Variants in NCOA2 observed in about 807,000 individuals in gnomAD.
The protein encoded by NCOA2 is class E basic helix-loop-helix protein 75.
Under a neutral mutation model 145.1 loss-of-function variants are expected in NCOA2, and 21 were observed. The observed-to-expected ratio is 0.14, with a 90% CI of 0.10 to 0.21. The LOEUF (loss-of-function observed/expected upper bound fraction) is 0.21, where lower values mean the gene tolerates loss of function less well. NCOA2 is among the 10% of genes least tolerant of loss of function. The pLI, the probability that NCOA2 is intolerant of heterozygous loss-of-function variation, is 1.00. For missense variants in NCOA2, 1,472 were observed against 1,837.6 expected (o/e 0.80, Z 3.64); for synonymous variants, 619 against 637.5 (o/e 0.97, Z 0.44).
chr8:70,318,766 AG>A (rs1232091620), intron 1 of NCOA2, among the ~76,000 whole-genome samples: 1 of 152,162 alleles, frequency 6.6e-6, no homozygotes, highest in African/African-American at 2.4e-5. Context: ...CTGTCTCAAA[AG>A]AAAAAAAAAG....
In NCOA2 at chr8:70,133,200, C is replaced by CTTTTTTTTT. The variant is rs57813061; in HGVS notation, c.3159-1207_3159-1199dup. On this transcript the variant is annotated intron_variant, in intron 15 of 22. Transcript: ENST00000452400. Reference sequence around the variant, plus strand: ...TGTGTGCCACCACAACTGGCTGCTACTTTTTTTTTTTTTTTTTTTTGGTAA... The same window carrying CTTTTTTTTT: ...TGTGTGCCACCACAACTGGCTGCTACTTTTTTTTTTTTTTTTTTTTTTTTTTTTTGGTAA... 5.1e-4 allele frequency among the ~76,000 whole-genome samples: 55 copies of CTTTTTTTTT among 106,952 alleles called. 1 individual carries two copies. The highest frequency in any genetic ancestry group is 1.8e-3 in the African/African-American group (44 of 24,842). 70.2% of individuals were successfully genotyped at this position (106,952 alleles called of 152,430 possible). A position where few individuals can be genotyped will look rare whatever the true frequency, so the allele number is the denominator to read the frequency against.
chr8:70,323,671 C>T (rs1468650126), intron 1 of NCOA2, among the ~76,000 whole-genome samples: 1 of 152,090 alleles, frequency 6.6e-6, no homozygotes, highest in East Asian at 1.9e-4. Context: ...GTAAATCAGA[C>T]TACTGATTAT....
chr8:70,174,859 T>C lies in NCOA2; in HGVS notation c.260A>G (p.Glu87Gly), dbSNP rs1396713306. ...ATCTATGTTGGCAGCTGCTGCTTTCTCTGCAATAAACATAAGTGTGAATTA... is the reference window on the plus strand; with the variant it reads ...ATCTATGTTGGCAGCTGCTGCTTTCCCTGCAATAAACATAAGTGTGAATTA... Reference protein sequence around the residue: ...VKQIRQIKEQEKAAAANIDEV... With the variant: ...VKQIRQIKEQGKAAAANIDEV... Residue 87 changes from glutamate to glycine, a missense_variant and splice_region_variant, in exon 5 of 23, where the codon GAG becomes GGG. By Grantham distance (98) the Glu-to-Gly change is moderately conservative. This residue lies in a region of NCOA2 where 284 missense variants were observed against 467.8 expected (regional missense o/e 0.61). Transcript: ENST00000452400. The C allele has an allele frequency of 6.2e-7, 1 of 1,612,910 alleles. No individual in the cohort carries two copies. Among genetic ancestry groups the C allele is most frequent in the Admixed American group, 1.7e-5 (1 of 60,014 alleles).
chr8:70,125,678 A>C (rs1334454264), intron 19 of NCOA2, among the ~76,000 whole-genome samples: 1 of 152,246 alleles, frequency 6.6e-6, no homozygotes, highest in Non-Finnish European at 1.5e-5. Flanking sequence ...TCCACCTTTA[A>C]AAATAAATAG....
chr8:70,213,824 G>A (rs781542912), intron 4 of NCOA2, 79 bp downstream of exon 4: 29 of 1,166,418 alleles, frequency 2.5e-5, no homozygotes, highest in Non-Finnish European at 3.2e-5. Context: ...ATGGATTAAA[G>A]GGACTCTGAA....
chr8:70,395,256 C>T (rs920932635), intron 1 of NCOA2, among the ~76,000 whole-genome samples: 1 of 152,124 alleles, frequency 6.6e-6, no homozygotes, highest in Non-Finnish European at 1.5e-5. Flanking sequence ...TTTATCATTC[C>T]ACCCTGATGT....
intron 4 of NCOA2, among the ~76,000 whole-genome samples, chr8:70,179,268 A>G (rs1815211428): frequency 6.6e-6 from 1 of 152,230 alleles, no homozygotes; most frequent in African/African-American, 2.4e-5. Context: ...AATAATATGA[A>G]GTGATAGAAA....
At chr8:70,361,403 G>C (rs1810186938) in intron 1 of NCOA2, among the ~76,000 whole-genome samples, 1 of 151,898 alleles carries the variant, frequency 6.6e-6, no homozygotes, top group Non-Finnish European at 1.5e-5. Context: ...AGGCTAGGCA[G>C]GAGAATCACT....
At chr8:70,158,348 T>G (rs534806822) in intron 10 of NCOA2, among the ~76,000 whole-genome samples, 2 of 152,348 alleles carry the variant, frequency 1.3e-5, no homozygotes, top group Non-Finnish European at 2.9e-5. Context: ...TTAATCATTT[T>G]CCTAAATATG....
intron 1 of NCOA2, among the ~76,000 whole-genome samples, chr8:70,306,418 G>A (rs1329988374): frequency 6.6e-6 from 1 of 152,180 alleles, no homozygotes; most frequent in African/African-American, 2.4e-5. Context: ...AGGTGTGAAA[G>A]GGCCTTCTAA....
intron 13 of NCOA2, among the ~76,000 whole-genome samples, chr8:70,142,924 G>C (rs1810609272): frequency 6.6e-6 from 1 of 151,530 alleles, no homozygotes; most frequent in Non-Finnish European, 1.5e-5. Context: ...AAATGGGAAA[G>C]TCCCTCTCAG....
At chr8:70,376,910 C>T (rs963247932) in intron 1 of NCOA2, among the ~76,000 whole-genome samples, 2 of 152,214 alleles carry the variant, frequency 1.3e-5, no homozygotes, top group Non-Finnish European at 2.9e-5. Context: ...GATGCCAGAG[C>T]TCCGCTGGCC....
At chr8:70,371,323 C>T (rs1315264126) in intron 1 of NCOA2, among the ~76,000 whole-genome samples, 1 of 151,598 alleles carries the variant, frequency 6.6e-6, no homozygotes, top group African/African-American at 2.4e-5. Context: ...ATAAAGGTAA[C>T]CACAACAATG....
At chr8:70,314,119 G>C (rs1018544552) in intron 1 of NCOA2, among the ~76,000 whole-genome samples, 3 of 134,564 alleles carry the variant, frequency 2.2e-5, no homozygotes, top group African/African-American at 8.3e-5. Flanking sequence ...GGCAGAGCTT[G>C]CAGTGAGCCG....
upstream of NCOA2, among the ~76,000 whole-genome samples, chr8:70,404,953 G>C (rs1295133930): frequency 6.6e-6 from 1 of 152,122 alleles, no homozygotes; most frequent in Non-Finnish European, 1.5e-5. Context: ...ATCTTATAAT[G>C]AGAAAGGTCA....
intron 13 of NCOA2, 40 bp downstream of exon 13, chr8:70,144,598 TTAAA>T (rs771803110): frequency 2.0e-6 from 3 of 1,499,842 alleles, no homozygotes; most frequent in Non-Finnish European, 2.8e-6. Flanking sequence ...TACCATTAAA[TTAAA>T]TAACCCACCA....
intron 11 of NCOA2, among the ~76,000 whole-genome samples, chr8:70,151,090 T>C (rs1217615790): frequency 1.3e-5 from 2 of 152,210 alleles, no homozygotes. Flanking sequence ...AGGTGGGCTA[T>C]AATAAGTGAT....
chr8:70,312,191 A>AG (rs1805182884), intron 1 of NCOA2, among the ~76,000 whole-genome samples: 1 of 152,186 alleles, frequency 6.6e-6, no homozygotes, highest in Non-Finnish European at 1.5e-5. Flanking sequence ...ACTACAAGGA[A>AG]GGGGAAAAAA....
chr8:70,422,397 CTG>C, the NCOA2 span, among the ~76,000 whole-genome samples: 1 of 149,878 alleles, frequency 6.7e-6, no homozygotes, highest in Admixed American at 6.7e-5. Context: ...TCTCAAAATG[CTG>C]TGTTTTTTTT....
Sources: gnomAD v4.1 joint callset for allele counts (sites outside exome capture counted in the v4.1 genomes callset) on GRCh38, gnomAD v4.1.1 for gene constraint, gnomAD v4.1.1 regional missense constraint, MANE v1.5 for transcripts, NCBI Gene and HGNC (gene_info 2026-07-23, HGNC 2026-07-21) for gene names.